The following ST3GAL3 variants were observed in gnomAD, a reference collection of about 807,000 sequenced individuals.
The protein encoded by ST3GAL3 is ST3 beta-galactoside alpha-2,3-sialyltransferase 3.
In ST3GAL3, 21 loss-of-function variants were observed where a neutral mutation model predicts 50.1. The observed-to-expected ratio is 0.42, with a 90% CI of 0.30 to 0.60. ST3GAL3 has a LOEUF of 0.60. ST3GAL3 is among the 20% of genes least tolerant of loss of function. ST3GAL3 has a pLI of 0.19. For missense variants in ST3GAL3, 353 were observed against 489.4 expected (o/e 0.72, Z 2.63); for synonymous variants, 183 against 190.0 (o/e 0.96, Z 0.30).
chr1:43,768,162 C>T (rs1693814887), intron 2 of ST3GAL3, among the ~76,000 whole-genome samples: 1 of 152,142 alleles, frequency 6.6e-6, no homozygotes, highest in Admixed American at 6.5e-5. Context: ...ATGCTGGGCA[C>T]AGTGGCTCAT....
At position 43,838,316 on chromosome 1, in the gene ST3GAL3, G is replaced by C; in HGVS notation, c.302+5G>C. ...GATGACGGCCATCTTCCCCCGGTAA[G>C]TGCTCCTGTTTCCCTCCACTGCCTA... is the stretch of plus-strand genomic sequence containing the variant. On this transcript the variant is annotated splice_donor_5th_base_variant and intron_variant, in intron 5 of 11. Transcript: ENST00000347631. The C allele has an allele frequency of 6.2e-7, 1 of 1,613,130 alleles. No homozygotes were observed. Among genetic ancestry groups the C allele is most frequent in the Non-Finnish European group, 8.5e-7 (1 of 1,179,422 alleles).
intron 3 of ST3GAL3, among the ~76,000 whole-genome samples, chr1:43,801,087 G>A (rs2059263488): frequency 6.6e-6 from 1 of 152,174 alleles, no homozygotes; most frequent in Non-Finnish European, 1.5e-5. Context: ...TTGCCTCATG[G>A]ACTATCCTGC....
chr1:43,736,369 A>T lies in ST3GAL3; in HGVS notation c.107A>T (p.Glu36Val), dbSNP rs1558070298. 2 of 1,614,140 alleles carry T rather than the reference A, an allele frequency of 1.2e-6. No individual in the cohort carries two copies. Among genetic ancestry groups the T allele is most frequent in the Non-Finnish European group, 1.7e-6 (2 of 1,180,028 alleles). ...SAWKLHLLQW[E>V]EDSNSVVLSF... ...TGGAAGCTACACTTACTCCAGTGGG[A>T]GGAGGACTCCAGTAAGTATAGTCAC... Residue 36 changes from glutamate to valine, a missense_variant, in exon 2 of 12, where the codon GAG becomes GTG. Transcript: ENST00000347631.
intron 1 of ST3GAL3, among the ~76,000 whole-genome samples, chr1:43,725,132 C>A (rs924786585): frequency 1.3e-5 from 2 of 152,198 alleles, no homozygotes; most frequent in African/African-American, 2.4e-5. Context: ...GTGTCCAAAT[C>A]GCTGTGCTCC....
chr1:43,854,844 T>C (rs912010018), intron 5 of ST3GAL3, among the ~76,000 whole-genome samples: 7 of 152,190 alleles, frequency 4.6e-5, no homozygotes, highest in East Asian at 3.8e-4. Context: ...CTTAACCAGA[T>C]ATCTAATGAG....
At chr1:43,881,331 A>G (rs1012652206) in intron 5 of ST3GAL3, among the ~76,000 whole-genome samples, 1 of 152,166 alleles carries the variant, frequency 6.6e-6, no homozygotes, top group Non-Finnish European at 1.5e-5. Flanking sequence ...TTATATTCCC[A>G]ATGACTAGCA....
intron 3 of ST3GAL3, among the ~76,000 whole-genome samples, chr1:43,794,995 T>C (rs998754684): frequency 6.6e-6 from 1 of 152,130 alleles, no homozygotes; most frequent in African/African-American, 2.4e-5. Flanking sequence ...CAGGGGGGCT[T>C]CTAGTGTGTT....
At chr1:43,733,560 A>T (rs1049384448) in intron 1 of ST3GAL3, among the ~76,000 whole-genome samples, 2 of 152,122 alleles carry the variant, frequency 1.3e-5, no homozygotes, top group Non-Finnish European at 2.9e-5. Context: ...GTTCTCTTCC[A>T]TTGACCTGTT....
chr1:43,807,360 G>A (rs1014209541), intron 3 of ST3GAL3, among the ~76,000 whole-genome samples: 2 of 151,986 alleles, frequency 1.3e-5, no homozygotes, highest in Non-Finnish European at 2.9e-5. Flanking sequence ...AGGTTGCAGT[G>A]AGCCGAGATC....
At position 43,920,484 on chromosome 1, in the gene ST3GAL3, T is replaced by G; in HGVS notation, c.825T>G (p.Tyr275Ter). 1 of 1,614,164 alleles carries G rather than the reference T, an allele frequency of 6.2e-7. No homozygotes were observed. The highest frequency in any genetic ancestry group is 2.2e-5 in the East Asian group (1 of 44,866). Residue 275 changes from tyrosine (Y) to a stop codon, truncating the protein, a stop_gained, in exon 10 of 12, where the codon TAT becomes TAG. Transcript: ENST00000347631. LOFTEE classifies it high-confidence loss of function. ...CTGAGATTCGAATCCTCAACCCATA[T>G]TTCATCCAGGAGGCCGCCTTCACCC... ...EPPEIRILNP[Y>*]FIQEAAFTLI...
At chr1:43,735,812 T>C (rs1678153410) in intron 1 of ST3GAL3, among the ~76,000 whole-genome samples, 1 of 152,242 alleles carries the variant, frequency 6.6e-6, no homozygotes. Context: ...TATTGTCAGA[T>C]TTTGTGTTAT....
At chr1:43,746,294 G>A (rs751734051) in intron 2 of ST3GAL3, among the ~76,000 whole-genome samples, 2 of 152,128 alleles carry the variant, frequency 1.3e-5, no homozygotes, top group African/African-American at 2.4e-5. Context: ...CATAGAGACA[G>A]AAAGTAAAAC....
intron 2 of ST3GAL3, among the ~76,000 whole-genome samples, chr1:43,741,133 C>T (rs1020002627): frequency 1.3e-5 from 2 of 151,950 alleles, no homozygotes; most frequent in African/African-American, 4.8e-5. Context: ...TCAAGACCAG[C>T]CTAGGCAACA....
rs139569953 is a variant in ST3GAL3 at position 43,850,527 on chromosome 1, G to T, written c.302+12216G>T. The T allele has an allele frequency of 1.2e-4, 79 of 671,068 alleles. No homozygotes were observed. The African/African-American group carries it at 1.2e-3, about 11-fold the overall frequency. The allele number at this position is 671,068 out of a possible 1,614,324, so 41.6% of individuals were successfully genotyped here. ...TTCCAAAAGTCCAAGAGATGTCAGT[G>T]CTGGGTTCCCCAGCCGCAGTCCACT... On this transcript the variant is annotated intron_variant, in intron 5 of 11. Transcript: ENST00000347631.
intron 5 of ST3GAL3, among the ~76,000 whole-genome samples, chr1:43,868,015 T>C (rs1032693170): frequency 2.6e-5 from 4 of 152,216 alleles, no homozygotes; most frequent in Admixed American, 6.5e-5. Flanking sequence ...CAATTCCACT[T>C]CTTAATATTG....
intron 2 of ST3GAL3, among the ~76,000 whole-genome samples, chr1:43,787,951 G>A (rs1028774379): frequency 3.3e-5 from 5 of 152,180 alleles, no homozygotes; most frequent in African/African-American, 1.2e-4. Flanking sequence ...GCTCAACAGC[G>A]TTTCAGCATG....
At chr1:43,817,459 TTTCTTCTTCTCCTTCTCCTTG>T (rs2061418327) in intron 4 of ST3GAL3, among the ~76,000 whole-genome samples, 2 of 144,446 alleles carry the variant, frequency 1.4e-5, no homozygotes, top group Non-Finnish European at 3.0e-5. Flanking sequence ...TTCTTTCTTC[TTTCTTCTTCTCCTTCTCCTTG>T]TTCTTCTTCT....
At chr1:43,762,275 AAAAGAAAG>A (rs1405494538) in intron 2 of ST3GAL3, among the ~76,000 whole-genome samples, 60 of 151,508 alleles carry the variant, frequency 4.0e-4, no homozygotes, top group African/African-American at 1.4e-3. Flanking sequence ...AAAAAAAAAA[AAAAGAAAG>A]AAAAACCAAA....
intron 1 of ST3GAL3, among the ~76,000 whole-genome samples, chr1:43,725,678 A>G (rs914133984): frequency 6.6e-6 from 1 of 151,818 alleles, no homozygotes; most frequent in African/African-American, 2.4e-5. Context: ...ACAGTGTCCC[A>G]CTCTGTCACC....
Sources: allele counts gnomAD v4.1 joint callset (sites outside exome capture counted in the v4.1 genomes callset), GRCh38; gene constraint gnomAD v4.1.1; transcripts MANE v1.5; gene names NCBI Gene and HGNC (gene_info 2026-07-23, HGNC 2026-07-21).